The following BEAN1 variants were observed in gnomAD, a reference collection of about 807,000 sequenced individuals.
The protein encoded by BEAN1 is brain expressed associated with NEDD4 1, also known as protein BEAN1.
Under a neutral mutation model 17.7 loss-of-function variants are expected in BEAN1, and 17 were observed. The ratio of observed to expected loss-of-function variants is 0.96; its 90% CI spans 0.66 to 1.44. The LOEUF (loss-of-function observed/expected upper bound fraction) is 1.44, where lower values mean the gene tolerates loss of function less well. Among genes scored for constraint, BEAN1 ranks in the 40% most tolerant of loss-of-function variants. The pLI is 0.00. For synonymous variants in BEAN1, 142 were observed against 151.8 expected (o/e 0.94, Z 0.47); for missense variants, 359 against 374.1 (o/e 0.96, Z 0.33).
At chr16:66,431,340 T>A (rs1961791428) in intron 1 of BEAN1, among the ~76,000 whole-genome samples, 1 of 152,242 alleles carries the variant, frequency 6.6e-6, no homozygotes, top group Non-Finnish European at 1.5e-5. Context: ...GATCACTGAC[T>A]TATTCACTTA....
At chr16:66,484,826 A>G (rs1245565223), downstream of BEAN1, 5 of 453,972 alleles carry the variant, frequency 1.1e-5, no homozygotes, top group Non-Finnish European at 2.2e-5. This position sits in a 1 kb window ranked among gnomAD's most constrained non-coding sequence, Gnocchi z 4.2. Flanking sequence ...GGTGGGAGAG[A>G]CGGGTTGTTT....
downstream of BEAN1, among the ~76,000 whole-genome samples, chr16:66,494,961 G>A (rs1022225712): frequency 2.6e-5 from 4 of 152,160 alleles, no homozygotes; most frequent in East Asian, 3.8e-4. Context: ...ACCCAGGGAC[G>A]GCCTCTAGGC....
intron 2 of BEAN1, among the ~76,000 whole-genome samples, chr16:66,446,205 A>T (rs113988704): frequency 4.6e-5 from 7 of 151,660 alleles, no homozygotes; most frequent in African/African-American, 1.7e-4. Flanking sequence ...TAAAAAAAAA[A>T]GGGGGGACAG....
intron 2 of BEAN1, among the ~76,000 whole-genome samples, chr16:66,446,569 ATT>A (rs2142392756): frequency 6.6e-6 from 1 of 152,190 alleles, no homozygotes; most frequent in South Asian, 2.1e-4. Flanking sequence ...GGGGATGTAA[ATT>A]TGAGGACTGT....
At chr16:66,472,030 T>C (rs1331247387) in intron 3 of BEAN1, among the ~76,000 whole-genome samples, 9 of 152,186 alleles carry the variant, frequency 5.9e-5, no homozygotes, top group Admixed American at 2.6e-4. Flanking sequence ...TCCAGTCCCC[T>C]GTCCATGCTC....
Position 66,482,459 on chromosome 16 carries a change from T to C in BEAN1, c.*1534T>C, listed in dbSNP as rs1263820614. 1 of 179,366 alleles carries C rather than the reference T, an allele frequency of 5.6e-6. No individual in the cohort carries two copies. The highest frequency in any genetic ancestry group is 2.4e-5 in the African/African-American group (1 of 41,596). The allele number at this position is 179,366 out of a possible 1,614,324, so 11.1% of individuals were successfully genotyped here. A position where few individuals can be genotyped will look rare whatever the true frequency, so the allele number is the denominator to read the frequency against. ...CTGAAAGGAATCCACCCAGAAGTTC[T>C]GTAGCATCCTGCGTGCAGCCTCCTG... On this transcript the variant is annotated 3_prime_UTR_variant, in exon 5 of 5. Coordinates refer to ENST00000536005, the MANE Select transcript of BEAN1 (RefSeq NM_001178020.3).
At position 66,427,303 on chromosome 16, in the gene BEAN1, C is replaced by G. The variant is rs1302352065; in HGVS notation, c.-211C>G. On this transcript the variant is annotated 5_prime_UTR_variant, in exon 1 of 5. Coordinates refer to ENST00000536005, the MANE Select transcript of BEAN1 (RefSeq NM_001178020.3). The surrounding 1 kb of genome is among the most constrained non-coding windows in gnomAD (Gnocchi z 4.7). ...GTAGCGGCGCGCCCCCCGCGACGCC[C>G]GAGCCCGAGCGCAGTGGCCTCCGAG... 6.6e-6 allele frequency: 1 copy of G among 150,578 alleles called. No homozygotes were observed. The highest frequency in any genetic ancestry group is 1.5e-5 in the Non-Finnish European group (1 of 67,528). 9.3% of individuals were successfully genotyped at this position (150,578 alleles called of 1,614,324 possible).
intron 2 of BEAN1, among the ~76,000 whole-genome samples, chr16:66,445,197 C>T (rs557696040): frequency 1.3e-5 from 2 of 152,122 alleles, no homozygotes; most frequent in Admixed American, 6.5e-5. Flanking sequence ...AGTGAGGTGG[C>T]CGGGCGTGGT....
At chr16:66,437,734 G>A in intron 2 of BEAN1, 33 bp downstream of exon 2, 1 of 1,528,270 alleles carries the variant, frequency 6.5e-7, no homozygotes, top group East Asian at 2.4e-5. Context: ...TCCACCACTT[G>A]GGGCCAGGCA....
In BEAN1 at chr16:66,437,587, C is replaced by A; in HGVS notation, c.-82-8C>A. The A allele has an allele frequency of 7.0e-7, 1 of 1,422,270 alleles. No homozygotes were observed. Among genetic ancestry groups the A allele is most frequent in the Non-Finnish European group, 9.5e-7 (1 of 1,053,962 alleles). 88.1% of individuals were successfully genotyped at this position (1,422,270 alleles called of 1,614,324 possible). A position where few individuals can be genotyped will look rare whatever the true frequency, so the allele number is the denominator to read the frequency against. ...CCCCCCAACACCTGCCTGTTTGTGT[C>A]TCCGCAGGTGAGTGGAGGGGCCTTC... On this transcript the variant is annotated splice_region_variant and splice_polypyrimidine_tract_variant and intron_variant, in intron 1 of 4. Coordinates refer to ENST00000536005, the MANE Select transcript of BEAN1 (RefSeq NM_001178020.3).
chr16:66,482,503 G>T lies in BEAN1; in HGVS notation c.*1578G>T, dbSNP rs1430805158. On this transcript the variant is annotated 3_prime_UTR_variant, in exon 5 of 5. Transcript: ENST00000536005. ...CCTCCTGGAGCCCCAGACTCCATCT[G>T]GGGGAGGGACTTGTTTACAAGCAGT... 2 of 194,674 alleles carry T rather than the reference G, an allele frequency of 1.0e-5. No homozygotes were observed. The highest frequency in any genetic ancestry group is 4.8e-5 in the African/African-American group (2 of 41,696). The allele number at this position is 194,674 out of a possible 1,614,324, so 12.1% of individuals were successfully genotyped here. A position where few individuals can be genotyped will look rare whatever the true frequency, so the allele number is the denominator to read the frequency against.
downstream of BEAN1, chr16:66,484,333 C>T: frequency 2.9e-6 from 1 of 340,828 alleles, no homozygotes; most frequent in Non-Finnish European, 5.8e-6. The surrounding 1 kb of genome is among the most constrained non-coding windows in gnomAD (Gnocchi z 4.2). Context: ...CCACCCCACA[C>T]CGACACCCAG....
At chr16:66,467,363 T>A (rs528906055) in intron 2 of BEAN1, among the ~76,000 whole-genome samples, 1 of 152,204 alleles carries the variant, frequency 6.6e-6, no homozygotes, top group Admixed American at 6.5e-5. Context: ...TGGAGAGGCC[T>A]CAAGAAACAG....
chr16:66,438,576 G>A (rs1352003577), intron 2 of BEAN1, among the ~76,000 whole-genome samples: 1 of 152,176 alleles, frequency 6.6e-6, no homozygotes, highest in East Asian at 1.9e-4. Flanking sequence ...TTCCTCATTC[G>A]CGGAAGCCTG....
At position 66,480,886 on chromosome 16, in the gene BEAN1, A is replaced by G. The variant is rs1233839403; in HGVS notation, c.741A>G (p.Pro247=). 6.8e-7 allele frequency: 1 copy of G among 1,467,200 alleles called. No individual in the cohort carries two copies. The highest frequency in any genetic ancestry group is 2.5e-5 in the Admixed American group (1 of 39,792). The allele number at this position is 1,467,200 out of a possible 1,614,324, so 90.9% of individuals were successfully genotyped here. ...GPRGSQGSPT[P]TRAPASGPER... is the part of the protein sequence containing the mutation. ...GGGGCTCCCAGGGCTCACCCACCCC[A>G]ACCCGGGCCCCAGCCTCTGGCCCAG... The change falls in exon 5 of 5, where the codon CCA becomes CCG. Residue 247 remains proline (P), a synonymous_variant. Coordinates refer to ENST00000536005, the MANE Select transcript of BEAN1 (RefSeq NM_001178020.3).
chr16:66,436,091 A>T (rs1442889142), intron 1 of BEAN1, among the ~76,000 whole-genome samples: 1 of 152,008 alleles, frequency 6.6e-6, no homozygotes, highest in East Asian at 1.9e-4. Context: ...GGCACTCATG[A>T]TCTCTGCTCA....
intron 2 of BEAN1, among the ~76,000 whole-genome samples, chr16:66,465,225 A>T (rs1963221304): frequency 6.6e-6 from 1 of 152,186 alleles, no homozygotes; most frequent in East Asian, 1.9e-4. Flanking sequence ...CCAATCTTTC[A>T]TTCCCGGGAT....
chr16:66,482,529 T>A lies in BEAN1; in HGVS notation c.*1604T>A. ...GGGGAGGGACTTGTTTACAAGCAGT[T>A]CTGACCACCTTAGTGGTGTACTGTT... On this transcript the variant is annotated 3_prime_UTR_variant, in exon 5 of 5. Coordinates refer to ENST00000536005, the MANE Select transcript of BEAN1 (RefSeq NM_001178020.3). The A allele has an allele frequency of 4.2e-6, 1 of 238,870 alleles. No homozygotes were observed. The highest frequency in any genetic ancestry group is 4.3e-5 in the South Asian group (1 of 23,296). The allele number at this position is 238,870 out of a possible 1,614,324, so 14.8% of individuals were successfully genotyped here. A position where few individuals can be genotyped will look rare whatever the true frequency, so the allele number is the denominator to read the frequency against.
chr16:66,449,907 T>C (rs897490107), intron 2 of BEAN1, among the ~76,000 whole-genome samples: 1 of 152,194 alleles, frequency 6.6e-6, no homozygotes, highest in Non-Finnish European at 1.5e-5. Context: ...TAAGATCCAA[T>C]TATCTAAAAT....
Sources: gnomAD v4.1 joint callset for allele counts (sites outside exome capture counted in the v4.1 genomes callset) on GRCh38, gnomAD v4.1.1 for gene constraint, Gnocchi (gnomAD v3.1) non-coding constraint, MANE v1.5 for transcripts, NCBI Gene and HGNC (gene_info 2026-07-23, HGNC 2026-07-21) for gene names.